Variants in DNAH10 observed in about 807,000 individuals in gnomAD.
DNAH10 encodes the protein axonemal beta dynein heavy chain 10.
In DNAH10, 348 loss-of-function variants were observed where a neutral mutation model predicts 506.6. The ratio of observed to expected loss-of-function variants is 0.69; its 90% confidence interval spans 0.63 to 0.75. The LOEUF is 0.75. Ranked by LOEUF, DNAH10 falls within the 30% of genes least tolerant of loss-of-function variation. The probability of loss-of-function intolerance (pLI) is 0.00; values close to 1 mark genes in which losing one functional copy is unlikely to be tolerated. For synonymous variants in DNAH10, 2,059 were observed against 2,198.6 expected, an observed-to-expected ratio of 0.94 and a Z score of 1.78; for missense variants, 5,179 against 5,787.1, an observed-to-expected ratio of 0.89 and a Z score of 3.41.
At chr12:123,794,714 C>A (rs147076585) in intron 12 of DNAH10, among the ~76,000 whole-genome samples, 70 of 151,800 alleles carry the variant, frequency 4.6e-4, no homozygotes, top group African/African-American at 1.5e-3. Flanking sequence ...GGTGTGGTGG[C>A]GCACACCTAT....
chr12:123,889,081 G>A (rs1442408837), intron 52 of DNAH10, among the ~76,000 whole-genome samples: 2 of 152,096 alleles, frequency 1.3e-5, no homozygotes, highest in Non-Finnish European at 2.9e-5. Flanking sequence ...ACATCTGCCG[G>A]CATGCCATCT....
chr12:123,858,755 G>A (rs1394462075), intron 37 of DNAH10, among the ~76,000 whole-genome samples: 1 of 152,180 alleles, frequency 6.6e-6, no homozygotes, highest in Non-Finnish European at 1.5e-5. Context: ...TTTGGCCATA[G>A]AAAGGAATGC....
At chr12:123,934,482 A>C (rs975777687) in intron 77 of DNAH10, 139 bp from the exon 78 acceptor site, 1 of 1,037,540 alleles carries the variant, frequency 9.6e-7, no homozygotes, top group African/African-American at 1.6e-5. Flanking sequence ...ATGCTGGAGA[A>C]GGGCCTGGGC....
rs751667257 is a variant in DNAH10 at position 123,846,061 on chromosome 12, G to A, written c.5721G>A (p.Thr1907=). The A allele has an allele frequency of 3.7e-6, 6 of 1,613,970 alleles. No individual in the cohort carries two copies. Among genetic ancestry groups the A allele is most frequent in the Non-Finnish European group, 4.2e-6 (5 of 1,179,880 alleles). Residue 1907 remains threonine, a synonymous_variant, in exon 32 of 79, where the codon ACG becomes ACA. Transcript: ENST00000673944. The surrounding 1 kb of genome is among the most constrained non-coding windows in gnomAD (Gnocchi z 4.5). ...EPDELNIRQC[T]GTFGYGYEYM... is the part of the protein sequence containing the mutation. ...ATGAGCTGAACATCCGCCAGTGCAC[G>A]GGAACCTTTGGCTACGGCTACGAGT... is the stretch of plus-strand genomic sequence containing the variant.
intron 61 of DNAH10, 70 bp downstream of exon 61, chr12:123,914,620 C>T: frequency 6.6e-7 from 1 of 1,511,492 alleles, no homozygotes; most frequent in South Asian, 1.3e-5. Flanking sequence ...GGGTGTCACC[C>T]TGGGGGGAGG....
intron 12 of DNAH10, among the ~76,000 whole-genome samples, chr12:123,795,010 G>A (rs930004622): frequency 2.6e-5 from 4 of 151,574 alleles, no homozygotes; most frequent in Non-Finnish European, 4.4e-5. Context: ...TTAGCCAGGC[G>A]TGGTGGTGGT....
Position 123,925,386 on chromosome 12 carries a change from A to G in DNAH10, c.11921+182A>G, listed in dbSNP as rs1168761658. The G allele has an allele frequency of 1.0e-5, 8 of 788,892 alleles. No individual in the cohort carries two copies. Among genetic ancestry groups the G allele is most frequent in the Non-Finnish European group, 1.3e-5 (7 of 542,366 alleles). 48.9% of individuals were successfully genotyped at this position (788,892 alleles called of 1,614,324 possible). ...TCAATATTCTAGAACAGTGCTAGTC[A>G]TAAGAAATTCAGTGTGAGCCACATA... On this transcript the variant is annotated intron_variant, in intron 68 of 78. Coordinates refer to ENST00000673944, the MANE Select transcript of DNAH10 (RefSeq NM_001372106.1). This position sits in a 1 kb window ranked among gnomAD's most constrained non-coding sequence, Gnocchi z 4.0.
In DNAH10 at chr12:123,793,052, A is replaced by G. The variant is rs1018955349; in HGVS notation, c.1816-890A>G. Among the ~76,000 whole-genome samples the G allele has an allele frequency of 3.9e-5, 6 of 152,164 alleles. No homozygotes were observed. The East Asian group carries it at 5.8e-4, about 15-fold the overall frequency. On this transcript the variant is annotated intron_variant, in intron 11 of 78. Coordinates refer to ENST00000673944, the MANE Select transcript of DNAH10 (RefSeq NM_001372106.1). ...TTTTAAAATTGATTTCTAGCTTCCA[A>G]TATTAGAAGTCTGATGTTATTCTTG...
At chr12:123,779,096 G>A (rs920345049) in intron 5 of DNAH10, among the ~76,000 whole-genome samples, 1 of 152,060 alleles carries the variant, frequency 6.6e-6, no homozygotes, top group African/African-American at 2.4e-5. Flanking sequence ...GTAGAGATGG[G>A]TTTTCACCAT....
At chr12:123,774,375 G>A in intron 5 of DNAH10, 111 bp downstream of exon 5, 1 of 800,092 alleles carries the variant, frequency 1.2e-6, no homozygotes, top group Admixed American at 3.0e-5. Flanking sequence ...TGCTGTTATG[G>A]GCACTGAGGT....
chr12:123,879,899 TG>T, intron 50 of DNAH10, 98 bp downstream of exon 50: 1 of 1,367,264 alleles, frequency 7.3e-7, no homozygotes, highest in African/African-American at 1.4e-5. Flanking sequence ...GCCTATCACC[TG>T]GGGCTCTGTC....
intron 37 of DNAH10, 114 bp downstream of exon 37, chr12:123,857,361 T>A: frequency 1.1e-6 from 1 of 923,250 alleles, no homozygotes; most frequent in Admixed American, 3.9e-5. Context: ...TTCACCATCT[T>A]AACCATTTTT....
At chr12:123,797,943 G>A (rs571408734) in intron 13 of DNAH10, among the ~76,000 whole-genome samples, 4 of 152,322 alleles carry the variant, frequency 2.6e-5, no homozygotes, top group East Asian at 1.9e-4. Flanking sequence ...TCAACCTGTC[G>A]TTGCTGCAAT....
chr12:123,915,142 T>TC (rs1954414520), intron 62 of DNAH10, 143 bp downstream of exon 62: 1 of 1,178,198 alleles, frequency 8.5e-7, no homozygotes, highest in Admixed American at 3.1e-5. Context: ...TGCGGAGCCC[T>TC]CCCCCGGCTC....
At chr12:123,797,380 T>C (rs1958317889) in intron 13 of DNAH10, among the ~76,000 whole-genome samples, 1 of 147,790 alleles carries the variant, frequency 6.8e-6, no homozygotes, top group African/African-American at 2.7e-5. Context: ...GCGTTCCTTC[T>C]TTTTCTTTTC....
At chr12:123,832,417 T>C (rs1347143766) in intron 26 of DNAH10, among the ~76,000 whole-genome samples, 1 of 152,216 alleles carries the variant, frequency 6.6e-6, no homozygotes, top group Non-Finnish European at 1.5e-5. Flanking sequence ...TGTATACATA[T>C]ACACACAGTG....
intron 36 of DNAH10, among the ~76,000 whole-genome samples, chr12:123,855,437 A>C (rs561835729): frequency 6.1e-4 from 93 of 152,156 alleles, no homozygotes; most frequent in African/African-American, 2.2e-3. Context: ...CCTAGGCAAC[A>C]TGGCAAAACC....
rs183446331 is a variant in DNAH10 at position 123,887,137 on chromosome 12, C to T, written c.8824-5C>T. ...ACGCCCATGTGCTCTGTGTCTGCAT[C>T]GCAGGTGTTTGAGATCCTGCTGAGC... On this transcript the variant is annotated splice_region_variant and splice_polypyrimidine_tract_variant and intron_variant, in intron 51 of 78. Coordinates refer to ENST00000673944, the MANE Select transcript of DNAH10 (RefSeq NM_001372106.1). The T allele has an allele frequency of 8.2e-3, 13,122 of 1,600,246 alleles. 70 individuals carry two copies. The highest frequency in any genetic ancestry group is 0.01 in the Non-Finnish European group (11,995 of 1,173,492).
chr12:123,870,535 C>A, intron 44 of DNAH10, 50 bp downstream of exon 44: 1 of 1,587,848 alleles, frequency 6.3e-7, no homozygotes, highest in Non-Finnish European at 8.6e-7. Context: ...GTGTGATACT[C>A]GCTCTAGGAG....
Sources: gnomAD v4.1 joint callset for allele counts (sites outside exome capture counted in the v4.1 genomes callset) on GRCh38, gnomAD v4.1.1 for gene constraint, Gnocchi (gnomAD v3.1) non-coding constraint, MANE v1.5 for transcripts, NCBI Gene and HGNC (gene_info 2026-07-23, HGNC 2026-07-21) for gene names.